KCNS2: variants seen among roughly 807,000 people sequenced by gnomAD.
The protein encoded by KCNS2 is potassium voltage-gated channel modifier subfamily S member 2.
In KCNS2, 15 loss-of-function variants were observed where a neutral mutation model predicts 28.3. That is an observed-to-expected ratio of 0.53 (90% CI 0.35 to 0.82). The LOEUF (loss-of-function observed/expected upper bound fraction) is 0.82, where lower values mean the gene tolerates loss of function less well. KCNS2 is among the 40% of genes least tolerant of loss of function. The pLI is 0.01. For synonymous variants in KCNS2, 254 were observed against 256.7 expected (o/e 0.99, Z 0.10); for missense variants, 501 against 617.1 (o/e 0.81, Z 1.99).
rs1349514678 is a variant in KCNS2 at position 98,430,659 on chromosome 8, C to T, written c.*1246C>T. 2 of 167,006 alleles carry T rather than the reference C, an allele frequency of 1.2e-5. No homozygotes were observed. 10.3% of individuals were successfully genotyped at this position (167,006 alleles called of 1,614,324 possible). ...AGCATGTACTCAAAATATAGACGTG[C>T]ACGATGGTGGTGTGGCTTACCCAGG... On this transcript the variant is annotated 3_prime_UTR_variant, in exon 2 of 2. Transcript: ENST00000287042.
Position 98,427,959 on chromosome 8 carries a change from C to A in KCNS2, c.-21C>A. ...CCAGGTGTAGCGCCCCCGCGCGGCG[C>A]GGGCGGCCGGCGCCTCCAGCATGAC... On this transcript the variant is annotated 5_prime_UTR_variant, in exon 2 of 2. Coordinates refer to ENST00000287042, the MANE Select transcript of KCNS2 (RefSeq NM_020697.4). 4.7e-6 allele frequency: 7 copies of A among 1,479,360 alleles called. No homozygotes were observed. Among genetic ancestry groups the A allele is most frequent in the Non-Finnish European group, 5.4e-6 (6 of 1,110,202 alleles). 91.6% of individuals were successfully genotyped at this position (1,479,360 alleles called of 1,614,324 possible).
Position 98,427,081 on chromosome 8 carries a change from C to T in KCNS2, c.-291C>T, listed in dbSNP as rs1349404284. The stretch of plus-strand genomic sequence containing the variant: ...TGGGTGGGTGAGGGGCGCGCGGATC[C>T]GGAGAGGGGGCTCCGGGAGCGGCGG... On this transcript the variant is annotated 5_prime_UTR_variant, in exon 1 of 2. Transcript: ENST00000287042. 1 of 150,554 alleles carries T rather than the reference C, an allele frequency of 6.6e-6. No individual in the cohort carries two copies. The highest frequency in any genetic ancestry group is 1.5e-5 in the Non-Finnish European group (1 of 67,388). 9.3% of individuals were successfully genotyped at this position (150,554 alleles called of 1,614,324 possible). A position where few individuals can be genotyped will look rare whatever the true frequency, so the allele number is the denominator to read the frequency against.
rs1818298500 is a variant in KCNS2 at position 98,429,522 on chromosome 8, A to AG, written c.*113dup. On this transcript the variant is annotated 3_prime_UTR_variant, in exon 2 of 2. Transcript: ENST00000287042. ...GTGTAAGGAGTATGCCCAGCCCCTG[A>AG]GGGGAGAGATGCATGGGATATGCAC... 1.3e-6 allele frequency: 1 copy of AG among 768,460 alleles called. No homozygotes were observed. The highest frequency in any genetic ancestry group is 2.6e-5 in the East Asian group (1 of 38,946). The allele number at this position is 768,460 out of a possible 1,614,324, so 47.6% of individuals were successfully genotyped here.
Position 98,428,259 on chromosome 8 carries a change from G to A in KCNS2, c.280G>A (p.Ala94Thr), listed in dbSNP as rs779927912. ...FYHTGKLHVM[A>T]ELCVFSFSQE... ...TCACACCGGCAAGCTTCACGTCATGGCTGAGCTATGTGTCTTCTCCTTCAG... is the reference window on the plus strand; with the variant it reads ...TCACACCGGCAAGCTTCACGTCATGACTGAGCTATGTGTCTTCTCCTTCAG... The change falls in exon 2 of 2, where the codon GCT becomes ACT. Residue 94 changes from alanine (A) to threonine (T), a missense_variant. Transcript: ENST00000287042. This position sits in a 1 kb window ranked among gnomAD's most constrained non-coding sequence, Gnocchi z 6.7. 7 of 1,613,978 alleles carry A rather than the reference G, an allele frequency of 4.3e-6. No homozygotes were observed. Among genetic ancestry groups the A allele is most frequent in the Non-Finnish European group, 5.9e-6 (7 of 1,180,028 alleles).
Position 98,430,271 on chromosome 8 carries a change from T to A in KCNS2, c.*858T>A, listed in dbSNP as rs1818309196. ...GTTTCCTAGGGTGACTGTAGAGAAA[T>A]GTATTTCCGGATGAGGTTTCTGATC... is the stretch of plus-strand genomic sequence containing the variant. On this transcript the variant is annotated 3_prime_UTR_variant, in exon 2 of 2. Coordinates refer to ENST00000287042, the MANE Select transcript of KCNS2 (RefSeq NM_020697.4). The A allele has an allele frequency of 6.0e-6, 1 of 167,084 alleles. No homozygotes were observed. Among genetic ancestry groups the A allele is most frequent in the South Asian group, 2.1e-4 (1 of 4,834 alleles). The allele number at this position is 167,084 out of a possible 1,614,324, so 10.4% of individuals were successfully genotyped here.
In KCNS2 at chr8:98,428,552, C is replaced by T; in HGVS notation, c.573C>T (p.Ile191=). 1 of 1,614,214 alleles carries T rather than the reference C, an allele frequency of 6.2e-7. No homozygotes were observed. The highest frequency in any genetic ancestry group is 1.3e-5 in the African/African-American group (1 of 75,060). The change falls in exon 2 of 2, where the codon ATC becomes ATT. Residue 191 remains isoleucine (I), a synonymous_variant. Coordinates refer to ENST00000287042, the MANE Select transcript of KCNS2 (RefSeq NM_020697.4). The surrounding 1 kb of genome is among the most constrained non-coding windows in gnomAD (Gnocchi z 6.7). ...CAGTGCTGAGCAGGGTCTTCAGCAT[C>T]CTGTCCATCCTGGTGGTGATGGGGT... ...GYSVLSRVFS[I]LSILVVMGSI...
chr8:98,428,297 G>A lies in KCNS2; in HGVS notation c.318G>A (p.Glu106=). The A allele has an allele frequency of 6.2e-7, 1 of 1,614,186 alleles. No individual in the cohort carries two copies. Among genetic ancestry groups the A allele is most frequent in the Non-Finnish European group, 8.5e-7 (1 of 1,180,044 alleles). Residue 106 remains glutamate, a synonymous_variant, in exon 2 of 2, where the codon GAG becomes GAA. Coordinates refer to ENST00000287042, the MANE Select transcript of KCNS2 (RefSeq NM_020697.4). The surrounding 1 kb of genome is among the most constrained non-coding windows in gnomAD (Gnocchi z 6.7). ...TCTTCTCCTTCAGCCAGGAGATCGA[G>A]TACTGGGGCATCAACGAGTTCTTCA... ...LCVFSFSQEI[E]YWGINEFFID...
At position 98,432,801 on chromosome 8, in the gene KCNS2, A is replaced by T. The variant is rs940950621; in HGVS notation, c.*3388A>T. 3 of 166,888 alleles carry T rather than the reference A, an allele frequency of 1.8e-5. No homozygotes were observed. The highest frequency in any genetic ancestry group is 4.8e-5 in the African/African-American group (2 of 41,444). The allele number at this position is 166,888 out of a possible 1,614,324, so 10.3% of individuals were successfully genotyped here. On this transcript the variant is annotated 3_prime_UTR_variant, in exon 2 of 2. Coordinates refer to ENST00000287042, the MANE Select transcript of KCNS2 (RefSeq NM_020697.4). ...ATGCCATATTTGAGATGTCAGTTTT[A>T]ACACTCATTAACACACTACTGTGCA...
chr8:98,429,523 G>A lies in KCNS2; in HGVS notation c.*110G>A. 1 of 750,360 alleles carries A rather than the reference G, an allele frequency of 1.3e-6. No individual in the cohort carries two copies. The highest frequency in any genetic ancestry group is 2.2e-6 in the Non-Finnish European group (1 of 452,966). The allele number at this position is 750,360 out of a possible 1,614,324, so 46.5% of individuals were successfully genotyped here. On this transcript the variant is annotated 3_prime_UTR_variant, in exon 2 of 2. Coordinates refer to ENST00000287042, the MANE Select transcript of KCNS2 (RefSeq NM_020697.4). The stretch of plus-strand genomic sequence containing the variant: ...TGTAAGGAGTATGCCCAGCCCCTGA[G>A]GGGAGAGATGCATGGGATATGCACC...
Position 98,429,429 on chromosome 8 carries a change from A to G in KCNS2, c.*16A>G. On this transcript the variant is annotated 3_prime_UTR_variant, in exon 2 of 2. Coordinates refer to ENST00000287042, the MANE Select transcript of KCNS2 (RefSeq NM_020697.4). ...CCTACGTTAGCCGGGAGGACTTGTC[A>G]CCCTCCACCCCACATTGCTGAGCTG... The G allele has an allele frequency of 6.4e-7, 1 of 1,553,114 alleles. No homozygotes were observed. The highest frequency in any genetic ancestry group is 2.2e-5 in the East Asian group (1 of 44,540).
chr8:98,428,859 G>C lies in KCNS2; in HGVS notation c.880G>C (p.Ala294Pro). Residue 294 changes from alanine to proline, a missense_variant, in exon 2 of 2, where the codon GCC (alanine) becomes CCC (proline). By Grantham distance (27) the Ala-to-Pro change is conservative (BLOSUM62 -1). Coordinates refer to ENST00000287042, the MANE Select transcript of KCNS2 (RefSeq NM_020697.4). The surrounding 1 kb of genome is among the most constrained non-coding windows in gnomAD (Gnocchi z 6.7). ...TACTTTAGCCAACTTGGGCAGGGTG[G>C]CCCAGGTCCTGAGGCTGATGCGGAT... ...TPTLANLGRV[A>P]QVLRLMRIFR... The C allele has an allele frequency of 6.2e-7, 1 of 1,614,170 alleles. No homozygotes were observed. The highest frequency in any genetic ancestry group is 8.5e-7 in the Non-Finnish European group (1 of 1,180,018).
In KCNS2 at chr8:98,428,163, T is replaced by C; in HGVS notation, c.184T>C (p.Tyr62His). 1 of 1,614,106 alleles carries C rather than the reference T, an allele frequency of 6.2e-7. No individual in the cohort carries two copies. Among genetic ancestry groups the C allele is most frequent in the Non-Finnish European group, 8.5e-7 (1 of 1,180,016 alleles). Residue 62 changes from tyrosine to histidine, a missense_variant, in exon 2 of 2, where the codon TAC becomes CAC. By Grantham distance (83) the Tyr-to-His change is moderately conservative (BLOSUM62 2). Coordinates refer to ENST00000287042, the MANE Select transcript of KCNS2 (RefSeq NM_020697.4). This position sits in a 1 kb window ranked among gnomAD's most constrained non-coding sequence, Gnocchi z 6.7. ...REAILELCDD[Y>H]DDVQREFYFD... ...GGCCATTCTGGAGCTCTGCGATGACTACGACGACGTCCAGCGGGAGTTCTA... is the reference window on the plus strand; with the variant it reads ...GGCCATTCTGGAGCTCTGCGATGACCACGACGACGTCCAGCGGGAGTTCTA...
Position 98,429,157 on chromosome 8 carries a change from C to T in KCNS2, c.1178C>T (p.Ala393Val), listed in dbSNP as rs1818292843. ...GTTAGKLTAS[A>V]CILAGILVVV... ...ACGGCAGGAAAGCTGACTGCCTCTG[C>T]CTGCATCTTGGCAGGCATCCTCGTG... The change falls in exon 2 of 2, where the codon GCC becomes GTC. Residue 393 changes from alanine to valine, a missense_variant. Coordinates refer to ENST00000287042, the MANE Select transcript of KCNS2 (RefSeq NM_020697.4). The T allele has an allele frequency of 6.2e-7, 1 of 1,613,598 alleles. No homozygotes were observed. Among genetic ancestry groups the T allele is most frequent in the Non-Finnish European group, 8.5e-7 (1 of 1,179,680 alleles).
rs192042624 is a variant in KCNS2, at chr8:98,431,522, G to A, written c.*2109G>A. 127 of 167,238 alleles carry A rather than the reference G, an allele frequency of 7.6e-4. No individual in the cohort carries two copies. The highest frequency in any genetic ancestry group is 2.9e-3 in the South Asian group (14 of 4,810). The allele number at this position is 167,238 out of a possible 1,614,324, so 10.4% of individuals were successfully genotyped here. ...TCATCCCCAGCTGCACTGAAGGCAG[G>A]TGGTGGTACAGACTTATGAGGACGG... is the stretch of plus-strand genomic sequence containing the variant. On this transcript the variant is annotated 3_prime_UTR_variant, in exon 2 of 2. Coordinates refer to ENST00000287042, the MANE Select transcript of KCNS2 (RefSeq NM_020697.4).
At position 98,429,012 on chromosome 8, in the gene KCNS2, G is replaced by A. The variant is rs769318500; in HGVS notation, c.1033G>A (p.Val345Met). The stretch of plus-strand genomic sequence containing the variant: ...CTCCGTGGGGATTTCCATCTTCTCC[G>A]TGGTGGCCTACACCATTGAAAAGGA... ...YLSVGISIFS[V>M]VAYTIEKEEN... The change falls in exon 2 of 2, where the codon GTG (valine) becomes ATG (methionine). Residue 345 changes from valine to methionine, a missense_variant. Physicochemically the swap from Val to Met is conservative, Grantham distance 21. Coordinates refer to ENST00000287042, the MANE Select transcript of KCNS2 (RefSeq NM_020697.4). 2 of 1,614,056 alleles carry A rather than the reference G, an allele frequency of 1.2e-6. No individual in the cohort carries two copies. The highest frequency in any genetic ancestry group is 1.7e-6 in the Non-Finnish European group (2 of 1,179,990).
Position 98,427,945 on chromosome 8 carries a change from G to T in KCNS2, c.-35G>T. 2.1e-6 allele frequency: 3 copies of T among 1,458,442 alleles called. No individual in the cohort carries two copies. The highest frequency in any genetic ancestry group is 1.4e-5 in the South Asian group (1 of 72,048). The allele number at this position is 1,458,442 out of a possible 1,614,324, so 90.3% of individuals were successfully genotyped here. A position where few individuals can be genotyped will look rare whatever the true frequency, so the allele number is the denominator to read the frequency against. ...TGTTCCCTCCGCTTCCAGGTGTAGC[G>T]CCCCCGCGCGGCGCGGGCGGCCGGC... On this transcript the variant is annotated 5_prime_UTR_variant, in exon 2 of 2. Transcript: ENST00000287042.
At position 98,432,836 on chromosome 8, in the gene KCNS2, A is replaced by G. The variant is rs1379221191; in HGVS notation, c.*3423A>G. On this transcript the variant is annotated 3_prime_UTR_variant, in exon 2 of 2. Transcript: ENST00000287042. Reference sequence around the variant, plus strand: ...AACACACTACTGTGCAAGCATTGACACAGGCTGCACTGAACCATTATGTCT... The same window carrying G: ...AACACACTACTGTGCAAGCATTGACGCAGGCTGCACTGAACCATTATGTCT... 3.0e-5 allele frequency: 5 copies of G among 166,766 alleles called. No homozygotes were observed. Among genetic ancestry groups the G allele is most frequent in the Non-Finnish European group, 7.3e-5 (5 of 68,132 alleles). 10.3% of individuals were successfully genotyped at this position (166,766 alleles called of 1,614,324 possible). A position where few individuals can be genotyped will look rare whatever the true frequency, so the allele number is the denominator to read the frequency against.
rs759484444 is a variant in KCNS2, at chr8:98,429,266, C to T, written c.1287C>T (p.Ser429=). 2 of 1,613,994 alleles carry T rather than the reference C, an allele frequency of 1.2e-6. No individual in the cohort carries two copies. Residue 429 remains serine, a synonymous_variant, in exon 2 of 2, where the codon AGC becomes AGT. Transcript: ENST00000287042. ...AGCAACTTGAGAGTGCCATGCGCAG[C>T]TGTGACTTTGGAGATGGAATGAAGG... ...RQKQLESAMR[S]CDFGDGMKEV...
intron 1 of KCNS2, 197 bp from the exon 2 acceptor site, chr8:98,427,741 T>G: frequency 5.2e-6 from 2 of 387,446 alleles, no homozygotes; most frequent in Non-Finnish European, 9.2e-6. Context: ...ACCCCTGGGG[T>G]GGAGCTGTGC....
Sources: gnomAD v4.1 joint callset for allele counts on GRCh38, gnomAD v4.1.1 for gene constraint, Gnocchi (gnomAD v3.1) non-coding constraint, MANE v1.5 for transcripts, NCBI Gene and HGNC (gene_info 2026-07-23, HGNC 2026-07-21) for gene names.